PIEZO2: variants seen among roughly 807,000 people sequenced by gnomAD.
PIEZO2 encodes piezo-type mechanosensitive ion channel component 2.
PIEZO2 carries 172 observed loss-of-function variants against 337.3 expected under a neutral mutation model. The ratio of observed to expected loss-of-function variants is 0.51; its 90% CI spans 0.45 to 0.58. PIEZO2 has a LOEUF of 0.58. PIEZO2 is among the 20% of genes least tolerant of loss of function. PIEZO2 has a pLI of 0.00. For missense variants in PIEZO2, 3,028 were observed against 3,391.3 expected (o/e 0.89, Z 2.66); for synonymous variants, 1,251 against 1,228.5 (o/e 1.02, Z -0.38).
intron 4 of PIEZO2, among the ~76,000 whole-genome samples, chr18:10,892,729 G>A (rs764178267): frequency 4.6e-5 from 7 of 152,128 alleles, no homozygotes; most frequent in Non-Finnish European, 7.4e-5. Flanking sequence ...AATAAAGACC[G>A]CAAGTGTGGT....
intron 2 of PIEZO2, among the ~76,000 whole-genome samples, chr18:11,010,743 C>G (rs1379021843): frequency 6.6e-6 from 1 of 152,168 alleles, no homozygotes; most frequent in Non-Finnish European, 1.5e-5. Flanking sequence ...CCGAGTATAT[C>G]AAGCCATTAC....
chr18:10,855,565 G>A lies in PIEZO2; in HGVS notation c.705C>T (p.Gly235=). The A allele has an allele frequency of 2.6e-6, 4 of 1,531,982 alleles. No homozygotes were observed. Among genetic ancestry groups the A allele is most frequent in the Non-Finnish European group, 3.5e-6 (4 of 1,142,814 alleles). The allele number at this position is 1,531,982 out of a possible 1,614,324, so 94.9% of individuals were successfully genotyped here. Residue 235 remains glycine, a splice_region_variant and synonymous_variant, in exon 7 of 56, where the codon GGC becomes GGT. Coordinates refer to ENST00000674853, the MANE Select transcript of PIEZO2 (RefSeq NM_001378183.1). The surrounding 1 kb of genome is among the most constrained non-coding windows in gnomAD (Gnocchi z 4.9). ...ATGATGTCAAAGACGGCAACATCATGCCTAAGGAAGAGAAACGTAATCACA... is the reference window on the plus strand; with the variant it reads ...ATGATGTCAAAGACGGCAACATCATACCTAAGGAAGAGAAACGTAATCACA... ...VVVTILLGSS[G]MMLPSLTSSV... is the part of the protein sequence containing the mutation.
At chr18:10,901,533 C>G (rs2043049348) in intron 4 of PIEZO2, among the ~76,000 whole-genome samples, 1 of 151,966 alleles carries the variant, frequency 6.6e-6, no homozygotes, top group Admixed American at 6.6e-5. Context: ...AGCAAGAAAG[C>G]AGGTTGGATG....
chr18:11,052,696 A>G (rs950346235), intron 2 of PIEZO2, among the ~76,000 whole-genome samples: 1 of 152,166 alleles, frequency 6.6e-6, no homozygotes, highest in Non-Finnish European at 1.5e-5. Flanking sequence ...CACCTTTTTT[A>G]TCCTCTACAA....
At chr18:10,685,950 C>A (rs779319920) in intron 49 of PIEZO2, among the ~76,000 whole-genome samples, 1 of 138,560 alleles carries the variant, frequency 7.2e-6, no homozygotes, top group East Asian at 1.9e-4. Context: ...ACAACTGACT[C>A]GCTCACTTGT....
At chr18:11,024,403 G>A (rs752187539) in intron 2 of PIEZO2, among the ~76,000 whole-genome samples, 14 of 151,694 alleles carry the variant, frequency 9.2e-5, no homozygotes, top group Non-Finnish European at 8.8e-5. Context: ...AAAATTAGCC[G>A]GGCGTAGTGG....
At chr18:10,858,584 T>C (rs1265631774) in intron 5 of PIEZO2, among the ~76,000 whole-genome samples, 1 of 152,208 alleles carries the variant, frequency 6.6e-6, no homozygotes, top group Non-Finnish European at 1.5e-5. Context: ...TTGATATATT[T>C]AGGTCAGATA....
chr18:10,932,762 A>G (rs2145199802), intron 3 of PIEZO2, among the ~76,000 whole-genome samples: 1 of 152,140 alleles, frequency 6.6e-6, no homozygotes, highest in East Asian at 1.9e-4. Context: ...TCTTTACAAA[A>G]TAATTTTTAA....
chr18:10,946,242 G>A (rs1227226849), intron 3 of PIEZO2, among the ~76,000 whole-genome samples: 1 of 152,122 alleles, frequency 6.6e-6, no homozygotes, highest in African/African-American at 2.4e-5. Flanking sequence ...CATGTTGCAG[G>A]CAGACAAACA....
At chr18:11,145,292 T>C (rs568457217) in intron 1 of PIEZO2, among the ~76,000 whole-genome samples, 1 of 152,180 alleles carries the variant, frequency 6.6e-6, no homozygotes, top group Non-Finnish European at 1.5e-5. Flanking sequence ...ACGAATCACA[T>C]AACATCTGCA....
At chr18:10,678,926 G>C (rs1036302349) in intron 52 of PIEZO2, among the ~76,000 whole-genome samples, 14 of 149,712 alleles carry the variant, frequency 9.4e-5, no homozygotes, top group African/African-American at 3.4e-4. Flanking sequence ...TCCAGAGGCT[G>C]CAATTTCTTT....
In PIEZO2 at chr18:11,099,437, G is replaced by T. The variant is rs1424479951; in HGVS notation, c.65-33215C>A. On this transcript the variant is annotated intron_variant, in intron 1 of 55. Coordinates refer to ENST00000674853, the MANE Select transcript of PIEZO2 (RefSeq NM_001378183.1). The surrounding 1 kb of genome is among the most constrained non-coding windows in gnomAD (Gnocchi z 5.4). ...TTTGTTTTTCAACAGGCAAGATGTGGGTTCTTCTTAACATTTCAATTTATA... is the reference window on the plus strand; with the variant it reads ...TTTGTTTTTCAACAGGCAAGATGTGTGTTCTTCTTAACATTTCAATTTATA... Among the ~76,000 whole-genome samples the T allele has an allele frequency of 6.6e-6, 1 of 152,136 alleles. No individual in the cohort carries two copies. The highest frequency in any genetic ancestry group is 2.4e-5 in the African/African-American group (1 of 41,428).
intron 2 of PIEZO2, among the ~76,000 whole-genome samples, chr18:11,017,200 C>G (rs1388383656): frequency 2.6e-5 from 4 of 152,168 alleles, no homozygotes; most frequent in Non-Finnish European, 5.9e-5. Context: ...GTCTAATTGT[C>G]AAATGGATGG....
In PIEZO2 at chr18:11,031,792, G is replaced by C. The variant is rs188081374; in HGVS notation, c.160+34335C>G. 1.3e-5 allele frequency among the ~76,000 whole-genome samples: 2 copies of C among 152,106 alleles called. No homozygotes were observed. Among genetic ancestry groups the C allele is most frequent in the African/African-American group, 4.8e-5 (2 of 41,410 alleles). ...AAAAGTTGAGAACTGGGACATTAAG[G>C]TATGGGGCATGAGGTGTTGGCAAGC... is the stretch of plus-strand genomic sequence containing the variant. On this transcript the variant is annotated intron_variant, in intron 2 of 55. Transcript: ENST00000674853. This position sits in a 1 kb window ranked among gnomAD's most constrained non-coding sequence, Gnocchi z 4.7.
intron 1 of PIEZO2, among the ~76,000 whole-genome samples, chr18:11,071,750 CA>C (rs891081688): frequency 4.1e-4 from 63 of 152,142 alleles, no homozygotes; most frequent in African/African-American, 1.5e-3. Flanking sequence ...CTGACCCTTC[CA>C]ACTCACAGAA....
intron 2 of PIEZO2, among the ~76,000 whole-genome samples, chr18:11,040,344 T>C (rs1216902148): frequency 6.6e-6 from 1 of 152,222 alleles, no homozygotes; most frequent in African/African-American, 2.4e-5. Context: ...ATTTTATTTA[T>C]TTTTCTTTAT....
At chr18:10,950,382 G>C (rs1016032816) in intron 3 of PIEZO2, among the ~76,000 whole-genome samples, 5 of 152,060 alleles carry the variant, frequency 3.3e-5, no homozygotes, top group African/African-American at 1.2e-4. Flanking sequence ...AGTGGAAGAG[G>C]GAGACTCAAA....
chr18:11,055,762 G>A (rs2037709705), intron 2 of PIEZO2, among the ~76,000 whole-genome samples: 2 of 152,316 alleles, frequency 1.3e-5, no homozygotes, highest in Admixed American at 1.3e-4. Context: ...CCAGGCCCAG[G>A]TCAAGTCAGT....
chr18:10,937,998 A>G (rs759086228), intron 3 of PIEZO2, among the ~76,000 whole-genome samples: 15 of 152,362 alleles, frequency 9.8e-5, no homozygotes, highest in South Asian at 2.1e-4. Flanking sequence ...TACGCAGGTG[A>G]CTTTCAAATA....
Sources: allele counts gnomAD v4.1 joint callset (sites outside exome capture counted in the v4.1 genomes callset), GRCh38; gene constraint gnomAD v4.1.1; non-coding constraint Gnocchi (gnomAD v3.1); transcripts MANE v1.5; gene names NCBI Gene and HGNC (gene_info 2026-07-23, HGNC 2026-07-21).